DCAF8L2: variants seen among roughly 807,000 people sequenced by gnomAD.
The protein encoded by DCAF8L2 is DDB1 and CUL4 associated factor 8 like 2, also known as DDB1- and CUL4-associated factor 8-like protein 2.
For missense variants in DCAF8L2, 430 were observed against 490.7 expected (o/e 0.88, Z 1.17); for synonymous variants, 200 against 190.9 (o/e 1.05, Z -0.39).
At position 27,736,473 on chromosome X, in the gene DCAF8L2, A is replaced by G. The variant is rs1008943673; in HGVS notation, c.-58-10365A>G. On this transcript the variant is annotated intron_variant, in intron 4 of 4. Transcript: ENST00000451261. The stretch of plus-strand genomic sequence containing the variant: ...GAATCAAAAGCAATACCTGCTTTCA[A>G]GTAACTTTCTCTTGAGCAAAGCAAA... Among the ~76,000 whole-genome samples, 3 of 112,355 alleles carry G rather than the reference A, an allele frequency of 2.7e-5. No individual in the cohort carries two copies. In the Admixed American group the frequency reaches 2.8e-4, roughly 11 times the overall value.
At chrX:27,556,534 C>A in the DCAF8L2 span, among the ~76,000 whole-genome samples, 2 of 111,683 alleles carry the variant, frequency 1.8e-5, no homozygotes, top group Non-Finnish European at 3.8e-5. Flanking sequence ...GGATTATTTC[C>A]AAATTATGAT....
chrX:27,631,523 G>A (rs780945957), intron 1 of DCAF8L2, among the ~76,000 whole-genome samples: 12 of 112,270 alleles, frequency 1.1e-4, no homozygotes, highest in South Asian at 3.7e-4. Context: ...TTTTGACTGC[G>A]GAACTAAATT....
At chrX:27,695,746 T>C (rs1441043093) in intron 3 of DCAF8L2, among the ~76,000 whole-genome samples, 1 of 111,761 alleles carries the variant, frequency 8.9e-6, no homozygotes, top group Admixed American at 9.5e-5. Flanking sequence ...CCTATAGATA[T>C]GAATTTATAA....
chrX:27,729,435 C>A, intron 4 of DCAF8L2, among the ~76,000 whole-genome samples: 1 of 112,479 alleles, frequency 8.9e-6, no homozygotes, highest in East Asian at 2.8e-4. Flanking sequence ...AGCCATATGG[C>A]AGCAAATAAC....
At chrX:27,643,424 T>G (rs1252922060) in intron 2 of DCAF8L2, among the ~76,000 whole-genome samples, 1 of 111,884 alleles carries the variant, frequency 8.9e-6, no homozygotes, top group Non-Finnish European at 1.9e-5. Flanking sequence ...CTATTCTTTT[T>G]TTGTACTCTT....
chrX:27,505,735 TTCCA>T, the DCAF8L2 span, among the ~76,000 whole-genome samples: 1 of 111,148 alleles, frequency 9.0e-6, no homozygotes, highest in Admixed American at 9.6e-5. Flanking sequence ...AGACTGTTCC[TTCCA>T]TCTTGCTGGA....
intron 1 of DCAF8L2, among the ~76,000 whole-genome samples, chrX:27,606,382 T>TATATATATATATATATATATATATA (rs1358332870): frequency 7.7e-4 from 62 of 81,037 alleles, no homozygotes; most frequent in African/African-American, 1.7e-3. Context: ...TATATATATA[T>TATATATATATATATATATATATATA]TCTTTTGAGA....
chrX:27,698,758 G>T (rs1010456945), intron 3 of DCAF8L2, among the ~76,000 whole-genome samples: 1 of 112,024 alleles, frequency 8.9e-6, no homozygotes, highest in South Asian at 3.6e-4. Context: ...TCTGCTTTAT[G>T]TCTAGGAAAA....
chrX:27,587,991 T>A (rs2380227), upstream of DCAF8L2, among the ~76,000 whole-genome samples: 819 of 15,566 alleles, frequency 0.053, 25 homozygotes, highest in African/African-American at 0.12. Flanking sequence ...AAAAAATATA[T>A]ATATATATAT....
rs528731183 is a variant in DCAF8L2, at chrX:27,615,558, A to C, written c.-341-16321A>C. Among the ~76,000 whole-genome samples the C allele has an allele frequency of 1.2e-4, 13 of 106,170 alleles. No individual in the cohort carries two copies. In the South Asian group the frequency reaches 5.0e-3, roughly 41 times the overall value. 92.2% of individuals were successfully genotyped at this position (106,170 alleles called of 115,157 possible). On this transcript the variant is annotated intron_variant, in intron 1 of 4. Coordinates refer to ENST00000451261, the MANE Select transcript of DCAF8L2 (RefSeq NM_001353450.2). The stretch of plus-strand genomic sequence containing the variant: ...ATCTATCTATCTATCTATCTAATCT[A>C]TCTATCTATATTTTCTGACTTGAAA...
chrX:27,591,014 T>TATATATATATATATATATATATATATAA (rs201564902), intron 1 of DCAF8L2, among the ~76,000 whole-genome samples: 2 of 96,796 alleles, frequency 2.1e-5, no homozygotes, highest in African/African-American at 3.6e-5. Flanking sequence ...TATATATATA[T>TATATATATATATATATATATATATATAA]AAATAAATAA....
At chrX:27,472,442 C>T in the DCAF8L2 span, among the ~76,000 whole-genome samples, 1 of 111,702 alleles carries the variant, frequency 9.0e-6, no homozygotes, top group Non-Finnish European at 1.9e-5. Context: ...AGGTTTGTTA[C>T]ATAGGTAAAC....
chrX:27,506,970 T>C, the DCAF8L2 span, among the ~76,000 whole-genome samples: 1 of 100,840 alleles, frequency 9.9e-6, no homozygotes, highest in Admixed American at 1.0e-4. Context: ...CTATGACAAA[T>C]AGCATTTTTT....
At position 27,747,831 on chromosome X, in the gene DCAF8L2, G is replaced by C; in HGVS notation, c.936G>C (p.Lys312Asn). The C allele has an allele frequency of 1.5e-5, 18 of 1,209,677 alleles. No homozygotes were observed. Among genetic ancestry groups the C allele is most frequent in the Non-Finnish European group, 2.0e-5 (18 of 894,168 alleles). Residue 312 changes from lysine to asparagine, a missense_variant, in exon 5 of 5, where the codon AAG becomes AAC. Coordinates refer to ENST00000451261, the MANE Select transcript of DCAF8L2 (RefSeq NM_001353450.2). ...LINASYFNNT[K>N]CVAQHRGPAH... ...ATGCATCATATTTCAACAATACTAA[G>C]TGTGTGGCCCAGCACAGGGGACCTG...
chrX:27,683,620 T>C (rs1485746720), intron 3 of DCAF8L2, among the ~76,000 whole-genome samples: 2 of 112,175 alleles, frequency 1.8e-5, no homozygotes, highest in African/African-American at 6.5e-5. Flanking sequence ...GCACAGCTCT[T>C]TAGTCCTCAA....
At chrX:27,631,851 T>C (rs1402787339) in intron 1 of DCAF8L2, 28 bp from the exon 2 acceptor site, 2 of 111,999 alleles carry the variant, frequency 1.8e-5, no homozygotes, top group East Asian at 5.6e-4. Flanking sequence ...CACTTCCCTC[T>C]CAGAACTACT....
At chrX:27,474,544 C>T in the DCAF8L2 span, among the ~76,000 whole-genome samples, 11 of 111,547 alleles carry the variant, frequency 9.9e-5, 1 homozygote, top group Non-Finnish European at 3.8e-5. Context: ...ATTTCTACAT[C>T]TTTAAAGTGG....
chrX:27,745,434 G>A (rs767674256), intron 4 of DCAF8L2, among the ~76,000 whole-genome samples: 3 of 111,957 alleles, frequency 2.7e-5, no homozygotes, highest in African/African-American at 9.7e-5. Flanking sequence ...AGATTCATCC[G>A]TGCTCATGTA....
chrX:27,601,934 T>G (rs765664160), intron 1 of DCAF8L2, among the ~76,000 whole-genome samples: 2 of 111,124 alleles, frequency 1.8e-5, no homozygotes, highest in Non-Finnish European at 3.8e-5. Context: ...AAGGGAGAAA[T>G]TTATTTTTTC....
Sources: gnomAD v4.1 joint callset for allele counts (sites outside exome capture counted in the v4.1 genomes callset) on GRCh38, gnomAD v4.1.1 for gene constraint, MANE v1.5 for transcripts, NCBI Gene and HGNC (gene_info 2026-07-23, HGNC 2026-07-21) for gene names.